The following TEAD1 variants were observed in gnomAD, a reference collection of about 807,000 sequenced individuals.
TEAD1 encodes the protein TEA domain transcription factor 1, also known as transcriptional enhancer factor TEF-1.
In TEAD1, 9 loss-of-function variants were observed where a neutral mutation model predicts 54.9. The observed-to-expected ratio is 0.16, with a 90% CI of 0.10 to 0.29. TEAD1 has a LOEUF of 0.29. Among genes scored for constraint, TEAD1 ranks in the 10% least tolerant of loss-of-function variants. The pLI, the probability that TEAD1 is intolerant of heterozygous loss-of-function variation, is 1.00. For synonymous variants in TEAD1, 200 were observed against 187.8 expected, an observed-to-expected ratio of 1.07 and a Z score of -0.53; for missense variants, 387 against 535.9, an observed-to-expected ratio of 0.72 and a Z score of 2.74.
intron 3 of TEAD1, among the ~76,000 whole-genome samples, chr11:12,805,121 G>A (rs1412714294): frequency 6.6e-6 from 1 of 152,212 alleles, no homozygotes; most frequent in Non-Finnish European, 1.5e-5. Context: ...GGGATCAAAA[G>A]ACCATTTGGT....
At position 12,857,578 on chromosome 11, in the gene TEAD1, CTGTGTG is replaced by C. The variant is rs10694132; in HGVS notation, c.203-4642_203-4637del. ...ATCAAGCATCTCTCTCTCTCTGTCT[CTGTGTG>C]TGTGTGTGTGTGTGTGTGTGTGTGT... On this transcript the variant is annotated intron_variant, in intron 3 of 12. Coordinates refer to ENST00000527636, the MANE Select transcript of TEAD1 (RefSeq NM_021961.6). Among the ~76,000 whole-genome samples, 61 of 145,848 alleles carry C rather than the reference CTGTGTG, an allele frequency of 4.2e-4. No homozygotes were observed. In the South Asian group the frequency reaches 4.5e-3, roughly 11 times the overall value.
At chr11:12,719,012 GA>G (rs1944123748) in intron 2 of TEAD1, among the ~76,000 whole-genome samples, 1 of 151,502 alleles carries the variant, frequency 6.6e-6, no homozygotes, top group African/African-American at 2.4e-5. Flanking sequence ...TTAGGGGGGG[GA>G]GTCCAAGGGT....
intron 5 of TEAD1, among the ~76,000 whole-genome samples, chr11:12,873,814 G>A (rs2134085796): frequency 6.6e-6 from 1 of 152,332 alleles, no homozygotes; most frequent in South Asian, 2.1e-4. Flanking sequence ...AGGTCATGTG[G>A]AGCCACATAG....
At chr11:12,777,599 T>C (rs1051145563) in intron 3 of TEAD1, among the ~76,000 whole-genome samples, 5 of 152,340 alleles carry the variant, frequency 3.3e-5, no homozygotes, top group Non-Finnish European at 7.4e-5. Flanking sequence ...CTTAAACATA[T>C]TTGATTGTCA....
intron 2 of TEAD1, among the ~76,000 whole-genome samples, chr11:12,762,640 T>A (rs1945124493): frequency 6.6e-6 from 1 of 152,062 alleles, no homozygotes; most frequent in Non-Finnish European, 1.5e-5. Context: ...TTTTTTTAAA[T>A]CCAGGTGCTG....
At chr11:12,814,816 T>TCCCGA (rs1946381752) in intron 3 of TEAD1, among the ~76,000 whole-genome samples, 1 of 143,358 alleles carries the variant, frequency 7.0e-6, no homozygotes, top group Non-Finnish European at 1.5e-5. Flanking sequence ...TGTGTGTGTG[T>TCCCGA]GTGTGTGTGT....
chr11:12,782,454 G>A (rs1488901152), intron 3 of TEAD1, among the ~76,000 whole-genome samples: 1 of 152,180 alleles, frequency 6.6e-6, no homozygotes, highest in Non-Finnish European at 1.5e-5. Context: ...GCAGATTAGT[G>A]GTTACCTGAG....
At chr11:12,699,209 A>T (rs551318120) in intron 2 of TEAD1, among the ~76,000 whole-genome samples, 1 of 152,274 alleles carries the variant, frequency 6.6e-6, no homozygotes, top group African/African-American at 2.4e-5. Context: ...GGATCCACAC[A>T]CTAAATTCAT....
chr11:12,769,268 T>C (rs1225241820), intron 3 of TEAD1, among the ~76,000 whole-genome samples: 1 of 152,162 alleles, frequency 6.6e-6, no homozygotes, highest in Non-Finnish European at 1.5e-5. Context: ...CCCCCGCTGC[T>C]GACCTGTGCC....
chr11:12,725,415 T>G (rs936578762), intron 2 of TEAD1, among the ~76,000 whole-genome samples: 1 of 152,148 alleles, frequency 6.6e-6, no homozygotes, highest in Non-Finnish European at 1.5e-5. Flanking sequence ...CGGACTAGAG[T>G]GACTATGGTT....
chr11:12,777,161 G>GT (rs879675337), intron 3 of TEAD1, among the ~76,000 whole-genome samples: 1 of 152,040 alleles, frequency 6.6e-6, no homozygotes, highest in Admixed American at 6.5e-5. Flanking sequence ...TTAGAACACA[G>GT]TCTTAAAGGT....
chr11:12,886,679 TG>T (rs1175627421), intron 9 of TEAD1, among the ~76,000 whole-genome samples: 1 of 151,760 alleles, frequency 6.6e-6, no homozygotes, highest in Non-Finnish European at 1.5e-5. Flanking sequence ...TTTTTTTTTT[TG>T]AGATGGGGTC....
At chr11:12,821,961 C>CTTTTTTTTTTTT (rs10700151) in intron 3 of TEAD1, among the ~76,000 whole-genome samples, 1,527 of 68,008 alleles carry the variant, frequency 0.022, 303 homozygotes, top group Non-Finnish European at 0.026. Flanking sequence ...TTCTCTTTTC[C>CTTTTTTTTTTTT]TTTTTTTTTT....
chr11:12,681,705 T>A (rs1409064115), intron 2 of TEAD1, among the ~76,000 whole-genome samples: 1 of 152,228 alleles, frequency 6.6e-6, no homozygotes, highest in African/African-American at 2.4e-5. Context: ...CAAATACTTG[T>A]GTCTCTGATA....
chr11:12,897,502 C>G (rs1362802252), intron 9 of TEAD1, among the ~76,000 whole-genome samples: 1 of 152,162 alleles, frequency 6.6e-6, no homozygotes, highest in Non-Finnish European at 1.5e-5. Context: ...GCTGTGGTCT[C>G]CAGGGCACCT....
chr11:12,732,749 G>A (rs1051246709), intron 2 of TEAD1, among the ~76,000 whole-genome samples: 8 of 152,304 alleles, frequency 5.3e-5, no homozygotes, highest in Middle Eastern at 3.4e-3. Context: ...TAGGGGAGTG[G>A]AAAAGGAGAT....
intron 2 of TEAD1, among the ~76,000 whole-genome samples, chr11:12,697,778 C>T (rs561619856): frequency 6.6e-6 from 1 of 152,092 alleles, no homozygotes; most frequent in Admixed American, 6.5e-5. Context: ...AATCCCAGCA[C>T]TTGGGAGGCC....
intron 3 of TEAD1, among the ~76,000 whole-genome samples, chr11:12,805,015 T>C (rs956505380): frequency 1.3e-5 from 2 of 152,178 alleles, no homozygotes; most frequent in Admixed American, 1.3e-4. Context: ...TAAAAGGCAG[T>C]CACATTTTGG....
chr11:12,674,496 C>G lies in TEAD1; in HGVS notation c.-546C>G, dbSNP rs1346350467. On this transcript the variant is annotated 5_prime_UTR_variant, in exon 1 of 13. Coordinates refer to ENST00000527636, the MANE Select transcript of TEAD1 (RefSeq NM_021961.6). ...AGCCGAGCCTCTGCTGCCGCCGCCG[C>G]GGCCCCGCCGCCCGCCGCGGGCGCC... 1 of 151,346 alleles carries G rather than the reference C, an allele frequency of 6.6e-6. No individual in the cohort carries two copies. Among genetic ancestry groups the G allele is most frequent in the Non-Finnish European group, 1.5e-5 (1 of 68,100 alleles). The allele number at this position is 151,346 out of a possible 1,614,324, so 9.4% of individuals were successfully genotyped here.
Sources: allele counts gnomAD v4.1 joint callset (sites outside exome capture counted in the v4.1 genomes callset), GRCh38; gene constraint gnomAD v4.1.1; transcripts MANE v1.5; gene names NCBI Gene and HGNC (gene_info 2026-07-23, HGNC 2026-07-21).